Variants in BCO2 observed in about 807,000 individuals in gnomAD.
BCO2 encodes carotenoid-cleaving dioxygenase, mitochondrial.
Under a neutral mutation model 65.8 loss-of-function variants are expected in BCO2, and 56 were observed. The observed-to-expected ratio is 0.85, with a 90% CI of 0.69 to 1.06. BCO2 has a LOEUF of 1.06. Among genes scored for constraint, BCO2 ranks in the 50% least tolerant of loss-of-function variants. BCO2 has a pLI of 0.00. For synonymous variants in BCO2, 233 were observed against 242.3 expected (o/e 0.96, Z 0.36); for missense variants, 675 against 698.5 (o/e 0.97, Z 0.38).
chr11:112,213,627 A>G, intron 8 of BCO2, 97 bp from the exon 9 acceptor site: 1 of 1,217,014 alleles, frequency 8.2e-7, no homozygotes, highest in Non-Finnish European at 1.2e-6. Context: ...TTATTTAAAT[A>G]TTTAGGAATG....
chr11:112,198,388 G>A (rs1010373837), intron 5 of BCO2, among the ~76,000 whole-genome samples: 1 of 151,990 alleles, frequency 6.6e-6, no homozygotes, highest in African/African-American at 2.4e-5. Context: ...GCATATTTCT[G>A]TATACAAGTG....
intron 2 of BCO2, chr11:112,180,860 G>T: frequency 9.4e-7 from 1 of 1,069,076 alleles, no homozygotes. Flanking sequence ...TTTGCTTTCT[G>T]TGGCCAGCAG....
chr11:112,187,124 A>G (rs1370059451), intron 2 of BCO2, among the ~76,000 whole-genome samples: 1 of 152,170 alleles, frequency 6.6e-6, no homozygotes, highest in Non-Finnish European at 1.5e-5. Context: ...TCACGGTCCT[A>G]CATTCCCATT....
At chr11:112,214,157 T>C (rs1459147937) in intron 9 of BCO2, among the ~76,000 whole-genome samples, 1 of 151,912 alleles carries the variant, frequency 6.6e-6, no homozygotes, top group African/African-American at 2.4e-5. Flanking sequence ...TATTTATTTT[T>C]ATTTTTTGAG....
At chr11:112,213,464 A>C (rs546613418) in intron 8 of BCO2, among the ~76,000 whole-genome samples, 29 of 152,164 alleles carry the variant, frequency 1.9e-4, no homozygotes, top group African/African-American at 6.7e-4. Flanking sequence ...ATAATTTTTA[A>C]ATTTCTTTAT....
chr11:112,180,946 T>A (rs1867023997), intron 2 of BCO2: 1 of 1,129,832 alleles, frequency 8.9e-7, no homozygotes, highest in Admixed American at 1.7e-5. Flanking sequence ...TGAACAGGGA[T>A]GATGATGTTT....
At chr11:112,194,783 A>C (rs1189433350) in intron 5 of BCO2, 28 bp downstream of exon 5, 1 of 1,463,724 alleles carries the variant, frequency 6.8e-7, no homozygotes, top group African/African-American at 1.4e-5. Context: ...GTCTTTTTAG[A>C]AATAATTGAG....
chr11:112,192,397 T>C (rs1444442550), intron 2 of BCO2, among the ~76,000 whole-genome samples: 1 of 152,192 alleles, frequency 6.6e-6, no homozygotes, highest in Non-Finnish European at 1.5e-5. Context: ...AATCAATGTG[T>C]TAAGCATATG....
At chr11:112,215,296 T>A (rs949077842) in intron 10 of BCO2, 4 of 305,512 alleles carry the variant, frequency 1.3e-5, no homozygotes, top group Non-Finnish European at 2.5e-5. Flanking sequence ...CTCCCTCTCT[T>A]TCTCCCATAT....
Position 112,179,351 on chromosome 11 carries a change from T to G in BCO2, c.162T>G (p.Val54=). Residue 54 remains valine (V), a synonymous_variant, in exon 2 of 12, where the codon GTT becomes GTG. Transcript: ENST00000357685. ...GGCAGTGTCGGGGTCTGCCATGTGT[T>G]GCACCGCTGCTGACCACAGTGGAAG... ...VFGQCRGLPC[V]APLLTTVEEA... The G allele has an allele frequency of 1.9e-6, 3 of 1,614,232 alleles. No homozygotes were observed. Among genetic ancestry groups the G allele is most frequent in the Non-Finnish European group, 2.5e-6 (3 of 1,180,038 alleles).
chr11:112,202,682 ATAAT>A (rs1867765951), intron 8 of BCO2, among the ~76,000 whole-genome samples: 1 of 152,202 alleles, frequency 6.6e-6, no homozygotes, highest in South Asian at 2.1e-4. Flanking sequence ...AATATTAAAA[ATAAT>A]TTGAAATAGC....
intron 1 of BCO2, among the ~76,000 whole-genome samples, chr11:112,177,186 A>C (rs1866908691): frequency 6.6e-6 from 1 of 152,226 alleles, no homozygotes; most frequent in African/African-American, 2.4e-5. Context: ...GAATAAGATA[A>C]ATGGTGCATA....
At chr11:112,190,161 C>T (rs530768775) in intron 2 of BCO2, among the ~76,000 whole-genome samples, 5 of 152,136 alleles carry the variant, frequency 3.3e-5, no homozygotes, top group Non-Finnish European at 7.4e-5. Flanking sequence ...GGGCGTGTCC[C>T]TGTAGTCCCA....
At chr11:112,180,490 C>T (rs1254680408) in intron 2 of BCO2, among the ~76,000 whole-genome samples, 1 of 152,180 alleles carries the variant, frequency 6.6e-6, no homozygotes, top group East Asian at 1.9e-4. Flanking sequence ...TCCCCACTAC[C>T]TGTAACAGTG....
Position 112,193,630 on chromosome 11 carries a change from C to T in BCO2, c.450C>T (p.Leu150=), listed in dbSNP as rs138746088. 9.8e-4 allele frequency: 1,587 copies of T among 1,614,142 alleles called. 12 individuals carry two copies. The African/African-American group carries it at 0.019, about 20-fold the overall frequency. ...TCTCAGAATTTGGCACACTGGCTCT[C>T]CCGGATCCATGCAAGAATGTTTTTG... ...IVISEFGTLA[L]PDPCKNVFER... is the part of the protein sequence containing the mutation. The change falls in exon 3 of 12, where the codon CTC becomes CTT. Residue 150 remains leucine, a synonymous_variant. Transcript: ENST00000357685.
intron 8 of BCO2, among the ~76,000 whole-genome samples, chr11:112,205,060 C>G (rs1867833818): frequency 6.6e-6 from 1 of 152,126 alleles, no homozygotes; most frequent in Non-Finnish European, 1.5e-5. Context: ...TGTTAATTAA[C>G]TGTATGTTAT....
At chr11:112,196,530 T>C (rs1324451066) in intron 5 of BCO2, among the ~76,000 whole-genome samples, 1 of 152,234 alleles carries the variant, frequency 6.6e-6, no homozygotes, top group Non-Finnish European at 1.5e-5. Context: ...TTAATACTTA[T>C]TTAAAATATG....
rs533896767 is a variant in BCO2, at chr11:112,200,202, T to C, written c.865+375T>C. Among the ~76,000 whole-genome samples the C allele has an allele frequency of 2.6e-5, 4 of 152,328 alleles. No homozygotes were observed. The East Asian group carries it at 7.7e-4, about 29-fold the overall frequency. On this transcript the variant is annotated intron_variant, in intron 6 of 11. Coordinates refer to ENST00000357685, the MANE Select transcript of BCO2 (RefSeq NM_031938.7). The stretch of plus-strand genomic sequence containing the variant: ...TGATTCAGCTTTTACTCAGAATATT[T>C]ATTTTCTGTACTTTAAATCATTATA...
At chr11:112,192,677 C>CTTTT (rs71463410) in intron 2 of BCO2, among the ~76,000 whole-genome samples, 5 of 124,784 alleles carry the variant, frequency 4.0e-5, no homozygotes, top group Non-Finnish European at 5.1e-5. Context: ...TTCTTTCTTT[C>CTTTT]TTTTTTTTTT....
Sources: gnomAD v4.1 joint callset for allele counts (sites outside exome capture counted in the v4.1 genomes callset) on GRCh38, gnomAD v4.1.1 for gene constraint, MANE v1.5 for transcripts, NCBI Gene and HGNC (gene_info 2026-07-23, HGNC 2026-07-21) for gene names.